The following RBMS3 variants were observed in gnomAD, a reference collection of about 807,000 sequenced individuals.
RBMS3 encodes RNA-binding motif, single-stranded-interacting protein 3.
Under a neutral mutation model 66.8 loss-of-function variants are expected in RBMS3, and 27 were observed. That is an observed-to-expected ratio of 0.40 (90% CI 0.30 to 0.56). The LOEUF is 0.56. Ranked by LOEUF, RBMS3 falls within the 20% of genes least tolerant of loss-of-function variation. The pLI, the probability that RBMS3 is intolerant of heterozygous loss-of-function variation, is 0.40. For synonymous variants in RBMS3, 188 were observed against 183.0 expected (o/e 1.03, Z -0.22); for missense variants, 513 against 549.5 (o/e 0.93, Z 0.66).
intron 8 of RBMS3, among the ~76,000 whole-genome samples, chr3:29,886,948 G>A (rs577452569): frequency 6.6e-6 from 1 of 151,854 alleles, no homozygotes; most frequent in South Asian, 2.1e-4. Flanking sequence ...CCTACATTCA[G>A]GGTTCTCCAT....
At chr3:29,331,080 A>G (rs1211298449) in intron 1 of RBMS3, among the ~76,000 whole-genome samples, 2 of 149,890 alleles carry the variant, frequency 1.3e-5, no homozygotes, top group African/African-American at 4.8e-5. Context: ...TGCAGTCCAC[A>G]AATTTTCCCA....
At chr3:29,744,868 T>C (rs781044371) in intron 5 of RBMS3, among the ~76,000 whole-genome samples, 2 of 152,168 alleles carry the variant, frequency 1.3e-5, no homozygotes, top group Non-Finnish European at 2.9e-5. Flanking sequence ...ACATATCTCT[T>C]GAATGTATGA....
chr3:29,365,055 A>G (rs1386644085), intron 1 of RBMS3, among the ~76,000 whole-genome samples: 1 of 152,102 alleles, frequency 6.6e-6, no homozygotes, highest in Admixed American at 6.6e-5. Context: ...ATCGTATAAA[A>G]TTATTTTTGA....
intron 3 of RBMS3, among the ~76,000 whole-genome samples, chr3:29,571,748 G>C (rs1430610908): frequency 6.6e-6 from 1 of 151,992 alleles, no homozygotes; most frequent in Non-Finnish European, 1.5e-5. Flanking sequence ...AATAGCTTTG[G>C]CTATTCAGGG....
intron 5 of RBMS3, 61 bp from the exon 6 acceptor site, chr3:29,762,849 C>T (rs1453327737): frequency 1.7e-6 from 2 of 1,173,760 alleles, no homozygotes; most frequent in Admixed American, 4.6e-5. Context: ...TTTTCCTTTA[C>T]TTCTTAAGTT....
intron 12 of RBMS3, among the ~76,000 whole-genome samples, chr3:29,951,428 C>T (rs1168756555): frequency 6.6e-6 from 1 of 151,520 alleles, no homozygotes; most frequent in African/African-American, 2.4e-5. Context: ...ATTAGAGTTA[C>T]TTAAATTTTC....
At chr3:29,485,781 G>A (rs1251061427) in intron 2 of RBMS3, among the ~76,000 whole-genome samples, 2 of 152,240 alleles carry the variant, frequency 1.3e-5, no homozygotes, top group South Asian at 2.1e-4. Context: ...CTTGTGCTCA[G>A]GTGTCTATTT....
chr3:29,733,673 T>A (rs1191701146), intron 4 of RBMS3, among the ~76,000 whole-genome samples: 3 of 152,100 alleles, frequency 2.0e-5, no homozygotes, highest in Non-Finnish European at 4.4e-5. Context: ...AGTTGGCAGA[T>A]GAATAGTATG....
intron 3 of RBMS3, among the ~76,000 whole-genome samples, chr3:29,586,605 T>C (rs2047528078): frequency 6.6e-6 from 1 of 152,134 alleles, no homozygotes; most frequent in Admixed American, 6.6e-5. Context: ...TCATCCACAA[T>C]ATTTACTTAT....
At chr3:29,557,747 G>A (rs918595547) in intron 3 of RBMS3, among the ~76,000 whole-genome samples, 1 of 151,976 alleles carries the variant, frequency 6.6e-6, no homozygotes. Flanking sequence ...ACCAAGTCTG[G>A]GTAATTTTCT....
At chr3:29,299,470 A>G (rs2033520624) in intron 1 of RBMS3, among the ~76,000 whole-genome samples, 1 of 152,060 alleles carries the variant, frequency 6.6e-6, no homozygotes, top group South Asian at 2.1e-4. Flanking sequence ...TGTTTTAATA[A>G]AATGCCTACA....
intron 5 of RBMS3, among the ~76,000 whole-genome samples, chr3:29,746,803 T>C (rs1487568772): frequency 6.6e-6 from 1 of 152,258 alleles, no homozygotes; most frequent in Non-Finnish European, 1.5e-5. Flanking sequence ...GTTGTATATA[T>C]GCCTTTATAA....
chr3:29,767,614 A>T (rs1468699193), intron 6 of RBMS3: 1 of 151,990 alleles, frequency 6.6e-6, no homozygotes, highest in African/African-American at 2.4e-5. Flanking sequence ...TTGTGTGTTG[A>T]TGTAAATAAC....
chr3:29,317,570 C>T (rs905487411), intron 1 of RBMS3, among the ~76,000 whole-genome samples: 5 of 151,032 alleles, frequency 3.3e-5, no homozygotes, highest in African/African-American at 9.7e-5. Context: ...TAATAAACAC[C>T]CATAATATAC....
intron 4 of RBMS3, among the ~76,000 whole-genome samples, chr3:29,639,497 T>C (rs916313257): frequency 6.6e-6 from 1 of 151,714 alleles, no homozygotes; most frequent in African/African-American, 2.4e-5. Context: ...ACATTCTGCT[T>C]CCATAGTGTT....
At chr3:29,546,672 C>A (rs1477902680) in intron 3 of RBMS3, among the ~76,000 whole-genome samples, 1 of 152,140 alleles carries the variant, frequency 6.6e-6, no homozygotes, top group Non-Finnish European at 1.5e-5. Flanking sequence ...AGTGGGGATG[C>A]CTTGCAAGTG....
At chr3:29,925,299 G>A (rs1459237376) in intron 10 of RBMS3, 2 of 152,122 alleles carry the variant, frequency 1.3e-5, no homozygotes, top group East Asian at 3.9e-4. Context: ...TATTCTATGC[G>A]GCATATACCA....
rs532079330 is a variant in RBMS3 at position 29,941,854 on chromosome 3, C to G, written c.1051-2353C>G. 2.0e-5 allele frequency among the ~76,000 whole-genome samples: 3 copies of G among 151,786 alleles called. No homozygotes were observed. The East Asian group carries it at 5.8e-4, about 30-fold the overall frequency. ...CATATATCCCATCAAATAAAGCTAT[C>G]AAAATGCAGTACAAATTGCTAATGA... On this transcript the variant is annotated intron_variant, in intron 11 of 14. Coordinates refer to ENST00000383767, the MANE Select transcript of RBMS3 (RefSeq NM_001003793.3).
intron 1 of RBMS3, among the ~76,000 whole-genome samples, chr3:29,284,320 G>A (rs1308785424): frequency 6.6e-6 from 1 of 152,010 alleles, no homozygotes; most frequent in African/African-American, 2.4e-5. Context: ...ATTGAGGTAG[G>A]TTTTCTTCCT....
Sources: gnomAD v4.1 joint callset for allele counts (sites outside exome capture counted in the v4.1 genomes callset) on GRCh38, gnomAD v4.1.1 for gene constraint, MANE v1.5 for transcripts, NCBI Gene and HGNC (gene_info 2026-07-23, HGNC 2026-07-21) for gene names.